PELI2: variants seen among roughly 807,000 people sequenced by gnomAD.
PELI2 encodes E3 ubiquitin-protein ligase pellino homolog 2.
PELI2 carries 23 observed loss-of-function variants against 42.3 expected under a neutral mutation model. The observed-to-expected ratio is 0.54, with a 90% CI of 0.39 to 0.77. The LOEUF (loss-of-function observed/expected upper bound fraction) is 0.77. Ranked by LOEUF, PELI2 falls within the 30% of genes least tolerant of loss-of-function variation. The pLI, the probability that PELI2 is intolerant of heterozygous loss-of-function variation, is 0.00. For missense variants in PELI2, 463 were observed against 553.2 expected (o/e 0.84, Z 1.64); for synonymous variants, 245 against 212.2 (o/e 1.15, Z -1.34).
chr14:56,212,545 A>T (rs930159719), intron 2 of PELI2, among the ~76,000 whole-genome samples: 1 of 152,192 alleles, frequency 6.6e-6, no homozygotes, highest in Non-Finnish European at 1.5e-5. Context: ...GGAGTTGAAG[A>T]CAAAGTATGA....
intron 1 of PELI2, among the ~76,000 whole-genome samples, chr14:56,156,967 G>A (rs1595563636): frequency 6.6e-6 from 1 of 152,118 alleles, no homozygotes; most frequent in East Asian, 1.9e-4. Context: ...TTGGATTTTT[G>A]ATCATGTATT....
intron 1 of PELI2, 128 bp from the exon 2 acceptor site, chr14:56,178,207 T>G (rs537922390): frequency 1.8e-4 from 156 of 843,442 alleles, no homozygotes; most frequent in Non-Finnish European, 2.7e-4. Context: ...CCTTTCCTTT[T>G]GTGGAGTGTT....
intron 2 of PELI2, among the ~76,000 whole-genome samples, chr14:56,207,141 A>G (rs1170187155): frequency 2.6e-5 from 4 of 152,130 alleles, no homozygotes; most frequent in Non-Finnish European, 4.4e-5. Flanking sequence ...ACCCTTAGAC[A>G]CATGCTAAGA....
At chr14:56,181,983 T>C (rs190292154) in intron 2 of PELI2, among the ~76,000 whole-genome samples, 1 of 152,296 alleles carries the variant, frequency 6.6e-6, no homozygotes, top group Admixed American at 6.5e-5. Flanking sequence ...ATTCAGCACC[T>C]TCCATGGCCA....
chr14:56,128,333 A>G (rs1179575127), intron 1 of PELI2, among the ~76,000 whole-genome samples: 3 of 152,224 alleles, frequency 2.0e-5, no homozygotes, highest in African/African-American at 7.2e-5. Flanking sequence ...AGCTCTGGGC[A>G]TACTATATGC....
At chr14:56,171,987 G>A (rs895314748) in intron 1 of PELI2, among the ~76,000 whole-genome samples, 2 of 152,078 alleles carry the variant, frequency 1.3e-5, no homozygotes, top group Non-Finnish European at 2.9e-5. Context: ...CTGCACTCCA[G>A]CCTGGGTGAC....
In PELI2 at chr14:56,288,158, A is replaced by G. The variant is rs971179701; in HGVS notation, c.310-279A>G. 3.9e-5 allele frequency among the ~76,000 whole-genome samples: 6 copies of G among 152,220 alleles called. No homozygotes were observed. Among genetic ancestry groups the G allele is most frequent in the East Asian group, 1.9e-4 (1 of 5,204 alleles). On this transcript the variant is annotated intron_variant, in intron 3 of 5. Transcript: ENST00000267460. The surrounding 1 kb of genome is among the most constrained non-coding windows in gnomAD (Gnocchi z 4.6). ...ACCGTTCTGCCTGTAGTCAACAATG[A>G]CTGCATTATGTGCTCAAATATTTCA...
chr14:56,229,510 A>G (rs374166738), intron 2 of PELI2, among the ~76,000 whole-genome samples: 1 of 152,242 alleles, frequency 6.6e-6, no homozygotes, highest in Non-Finnish European at 1.5e-5. Flanking sequence ...GCAAACTCCA[A>G]CAGACCTGCA....
intron 1 of PELI2, among the ~76,000 whole-genome samples, chr14:56,144,501 T>C (rs1174780703): frequency 6.6e-6 from 1 of 152,208 alleles, no homozygotes. Context: ...TATGTAAATA[T>C]AACTGATTAT....
At chr14:56,137,515 A>T (rs1483005832) in intron 1 of PELI2, among the ~76,000 whole-genome samples, 1 of 152,046 alleles carries the variant, frequency 6.6e-6, no homozygotes, top group African/African-American at 2.4e-5. Flanking sequence ...TGCTGATTTG[A>T]ATGTCTTAAG....
At chr14:56,268,708 A>G (rs1888994460) in intron 2 of PELI2, among the ~76,000 whole-genome samples, 1 of 152,034 alleles carries the variant, frequency 6.6e-6, no homozygotes. Context: ...GGCCCTCCCT[A>G]CCTTTCTCTA....
chr14:56,141,353 C>T (rs1033496730), intron 1 of PELI2, among the ~76,000 whole-genome samples: 5 of 152,080 alleles, frequency 3.3e-5, no homozygotes, highest in Admixed American at 1.3e-4. Flanking sequence ...TCAGGACGGA[C>T]GTTAGGACTG....
chr14:56,259,306 G>A (rs1197810265), intron 2 of PELI2, among the ~76,000 whole-genome samples: 1 of 151,938 alleles, frequency 6.6e-6, no homozygotes, highest in African/African-American at 2.4e-5. Context: ...TAAAAATGAG[G>A]GGAAATATGA....
intron 2 of PELI2, 101 bp from the exon 3 acceptor site, chr14:56,279,575 T>C (rs1286408561): frequency 1.3e-5 from 8 of 616,842 alleles, no homozygotes; most frequent in Admixed American, 9.6e-5. Flanking sequence ...TGCTGGCTTG[T>C]GCTGGGCTTT....
intron 2 of PELI2, among the ~76,000 whole-genome samples, chr14:56,179,780 T>C (rs1885516887): frequency 6.6e-6 from 1 of 152,220 alleles, no homozygotes; most frequent in Admixed American, 6.5e-5. Context: ...ACAGATGTTT[T>C]TAAGCATGTG....
rs1566695019 is a variant in PELI2 at position 56,301,046 on chromosome 14, A to G, written c.*3880A>G. 6.6e-6 allele frequency: 1 copy of G among 152,438 alleles called. No individual in the cohort carries two copies. The highest frequency in any genetic ancestry group is 1.5e-5 in the Non-Finnish European group (1 of 68,038). 9.4% of individuals were successfully genotyped at this position (152,438 alleles called of 1,614,324 possible). A position where few individuals can be genotyped will look rare whatever the true frequency, so the allele number is the denominator to read the frequency against. On this transcript the variant is annotated 3_prime_UTR_variant, in exon 6 of 6. Coordinates refer to ENST00000267460, the MANE Select transcript of PELI2 (RefSeq NM_021255.3). ...TTCTAAACAAACAAAAATAAACTCA[A>G]TGAAAGGAAAGATGTTTCTTTTTAG...
chr14:56,129,291 C>T (rs1233410707), intron 1 of PELI2, among the ~76,000 whole-genome samples: 1 of 152,214 alleles, frequency 6.6e-6, no homozygotes, highest in Non-Finnish European at 1.5e-5. Context: ...TCCCTCCTAC[C>T]TTTGTCTCTC....
At chr14:56,220,013 T>G (rs904031179) in intron 2 of PELI2, among the ~76,000 whole-genome samples, 1 of 152,220 alleles carries the variant, frequency 6.6e-6, no homozygotes, top group Non-Finnish European at 1.5e-5. Flanking sequence ...ATAAACAGTT[T>G]AGGTAAACAA....
Position 56,165,082 on chromosome 14 carries a change from G to T in PELI2, c.78-13253G>T, listed in dbSNP as rs200982801. ...CTTCTACTAATTTTGGGTTTGGTTTGCTCTTGCTTTTCTAGTCCTTTAAGA... is the reference window on the plus strand; with the variant it reads ...CTTCTACTAATTTTGGGTTTGGTTTTCTCTTGCTTTTCTAGTCCTTTAAGA... On this transcript the variant is annotated intron_variant, in intron 1 of 5. Transcript: ENST00000267460. 9.3e-5 allele frequency among the ~76,000 whole-genome samples: 14 copies of T among 150,674 alleles called. No homozygotes were observed. In the East Asian group the frequency reaches 2.0e-3, roughly 21 times the overall value.
Sources: allele counts gnomAD v4.1 joint callset (sites outside exome capture counted in the v4.1 genomes callset), GRCh38; gene constraint gnomAD v4.1.1; non-coding constraint Gnocchi (gnomAD v3.1); transcripts MANE v1.5; gene names NCBI Gene and HGNC (gene_info 2026-07-23, HGNC 2026-07-21).